CHKA: variants seen among roughly 807,000 people sequenced by gnomAD.
CHKA encodes choline kinase alpha.
In CHKA, 34 loss-of-function variants were observed where a neutral mutation model predicts 60.1. That is an observed-to-expected ratio of 0.57 (90% CI 0.43 to 0.75). CHKA has a LOEUF of 0.75. Among genes scored for constraint, CHKA ranks in the 30% least tolerant of loss-of-function variants. The probability of loss-of-function intolerance (pLI) is 0.00; values close to 1 mark genes in which losing one functional copy is unlikely to be tolerated. For synonymous variants in CHKA, 217 were observed against 223.1 expected (o/e 0.97, Z 0.24); for missense variants, 563 against 561.3 (o/e 1.00, Z -0.03).
intron 2 of CHKA, among the ~76,000 whole-genome samples, chr11:68,083,150 G>A (rs1367115033): frequency 6.6e-6 from 1 of 152,080 alleles, no homozygotes; most frequent in Non-Finnish European, 1.5e-5. Flanking sequence ...AGCAAATCTC[G>A]ATGCCCACTA....
intron 1 of CHKA, among the ~76,000 whole-genome samples, chr11:68,111,144 G>C (rs2153030640): frequency 6.6e-6 from 1 of 152,144 alleles, no homozygotes; most frequent in African/African-American, 2.4e-5. Flanking sequence ...AGGCGCGGTG[G>C]CTCATGCCTC....
intron 2 of CHKA, among the ~76,000 whole-genome samples, chr11:68,086,295 A>T (rs1253970806): frequency 6.6e-6 from 1 of 152,114 alleles, no homozygotes; most frequent in African/African-American, 2.4e-5. Context: ...GCCTGGCGAC[A>T]GCGAGACTCT....
At chr11:68,058,549 TAC>T (rs1381762817) in intron 11 of CHKA, among the ~76,000 whole-genome samples, 8 of 152,240 alleles carry the variant, frequency 5.3e-5, no homozygotes, top group African/African-American at 1.9e-4. Flanking sequence ...TTTTTCCATG[TAC>T]AGTTGTTTCT....
chr11:68,070,625 A>C (rs1414763529), intron 5 of CHKA, 99 bp downstream of exon 5: 1 of 1,297,732 alleles, frequency 7.7e-7, no homozygotes, highest in East Asian at 2.3e-5. Flanking sequence ...GTGAACTAGG[A>C]AGACCTCTGA....
intron 3 of CHKA, among the ~76,000 whole-genome samples, chr11:68,081,094 GCCT>G (rs764161160): frequency 2.0e-4 from 31 of 152,192 alleles, no homozygotes; most frequent in Non-Finnish European, 2.5e-4. Context: ...GGCAGCCAGG[GCCT>G]CCTCATCAGG....
At chr11:68,095,132 C>T (rs1485813026) in intron 2 of CHKA, among the ~76,000 whole-genome samples, 12 of 152,052 alleles carry the variant, frequency 7.9e-5, no homozygotes, top group Admixed American at 3.3e-4. Flanking sequence ...GGGCCAGGCG[C>T]GGTGGCTCAT....
chr11:68,120,917 C>A lies in CHKA; in HGVS notation c.261G>T (p.Thr87=), dbSNP rs766011568. The change falls in exon 1 of 12, where the codon ACG becomes ACT. Residue 87 remains threonine, a synonymous_variant. Coordinates refer to ENST00000265689, the MANE Select transcript of CHKA (RefSeq NM_001277.3). ...PPADEQPEPR[T]RRRAYLWCKE... ...TGCACCACAGATAGGCCCTGCGCCG[C>A]GTCCGGGGCTCCGGCTGCTCGTCTG... 1.1e-4 allele frequency: 136 copies of A among 1,223,462 alleles called. No homozygotes were observed. Among genetic ancestry groups the A allele is most frequent in the Middle Eastern group, 9.0e-4 (4 of 4,466 alleles). 75.8% of individuals were successfully genotyped at this position (1,223,462 alleles called of 1,614,324 possible).
Position 68,121,131 on chromosome 11 carries a change from A to G in CHKA, c.47T>C (p.Leu16Pro). ...GCTACCGCAGCTCAGCAGCAGCCCG[A>G]GCGGCGAGGGCTCCGCCTCGCCCCC... is the stretch of plus-strand genomic sequence containing the variant. The part of the protein sequence containing the change: ...CTGGEAEPSP[L>P]GLLLSCGSGS... The change falls in exon 1 of 12, where the codon CTC (leucine) becomes CCC (proline). Residue 16 changes from leucine to proline, a missense_variant. Coordinates refer to ENST00000265689, the MANE Select transcript of CHKA (RefSeq NM_001277.3). The G allele has an allele frequency of 8.3e-7, 1 of 1,207,374 alleles. No individual in the cohort carries two copies. The highest frequency in any genetic ancestry group is 1.0e-6 in the Non-Finnish European group (1 of 965,354). The allele number at this position is 1,207,374 out of a possible 1,614,324, so 74.8% of individuals were successfully genotyped here.
chr11:68,083,285 G>C (rs1299411425), intron 2 of CHKA, among the ~76,000 whole-genome samples: 1 of 152,178 alleles, frequency 6.6e-6, no homozygotes, highest in Non-Finnish European at 1.5e-5. Flanking sequence ...CAGGGTCTTG[G>C]TAACAAGGAA....
chr11:68,119,068 C>G (rs1021677035), intron 1 of CHKA, among the ~76,000 whole-genome samples: 3 of 152,190 alleles, frequency 2.0e-5, no homozygotes, highest in African/African-American at 7.2e-5. Context: ...AGTACATGGC[C>G]TAAAATGATC....
intron 7 of CHKA, among the ~76,000 whole-genome samples, chr11:68,068,030 G>T (rs2134528594): frequency 6.6e-6 from 1 of 152,356 alleles, no homozygotes; most frequent in Admixed American, 6.5e-5. Flanking sequence ...GAGCTGCATA[G>T]TGGGGGGCCT....
chr11:68,081,697 A>G (rs938002487), intron 2 of CHKA: 5 of 432,142 alleles, frequency 1.2e-5, no homozygotes, highest in African/African-American at 2.0e-5. Context: ...GAGACCCGAT[A>G]GCTGCACGTC....
intron 1 of CHKA, among the ~76,000 whole-genome samples, chr11:68,106,389 A>AT (rs934407025): frequency 1.7e-4 from 26 of 148,694 alleles, no homozygotes; most frequent in African/African-American, 2.5e-4. Flanking sequence ...GATCTCTACA[A>AT]TTTTTTTTTT....
intron 1 of CHKA, among the ~76,000 whole-genome samples, chr11:68,110,661 A>G (rs1325715547): frequency 2.6e-5 from 4 of 152,008 alleles, no homozygotes. Flanking sequence ...CCCAATGAAA[A>G]CCCCAGCAAG....
chr11:68,113,081 C>CAAAAA (rs71040587), intron 1 of CHKA, among the ~76,000 whole-genome samples: 1,358 of 14,444 alleles, frequency 0.094, 414 homozygotes, highest in Admixed American at 0.19. Flanking sequence ...GACTCCGTCT[C>CAAAAA]AAAAAAAAAA....
At chr11:68,099,419 G>GT (rs972768039) in intron 1 of CHKA, among the ~76,000 whole-genome samples, 4 of 152,174 alleles carry the variant, frequency 2.6e-5, no homozygotes, top group African/African-American at 7.2e-5. Context: ...TATTTAAGAG[G>GT]TTTTTTCAAA....
intron 2 of CHKA, among the ~76,000 whole-genome samples, chr11:68,087,978 T>C (rs1278745525): frequency 1.3e-5 from 2 of 151,980 alleles, no homozygotes; most frequent in East Asian, 3.9e-4. Flanking sequence ...TCAGGTATAG[T>C]GGCACATGCC....
At chr11:68,102,960 C>A (rs1857779992) in intron 1 of CHKA, among the ~76,000 whole-genome samples, 1 of 151,990 alleles carries the variant, frequency 6.6e-6, no homozygotes, top group Non-Finnish European at 1.5e-5. Context: ...GGTGACAGAG[C>A]AAGACCCTGT....
At chr11:68,099,134 A>G (rs917296913) in intron 1 of CHKA, among the ~76,000 whole-genome samples, 13 of 152,334 alleles carry the variant, frequency 8.5e-5, no homozygotes, top group Admixed American at 3.3e-4. Flanking sequence ...AAGGAAATCT[A>G]TAAAGTCCAT....
Sources: gnomAD v4.1 joint callset for allele counts (sites outside exome capture counted in the v4.1 genomes callset) on GRCh38, gnomAD v4.1.1 for gene constraint, MANE v1.5 for transcripts, NCBI Gene and HGNC (gene_info 2026-07-23, HGNC 2026-07-21) for gene names.